PFDN4: variants seen among roughly 807,000 people sequenced by gnomAD.
The protein encoded by PFDN4 is prefoldin subunit 4, also known as prefoldin 4.
PFDN4 carries 6 observed loss-of-function variants against 17.6 expected under a neutral mutation model. That is an observed-to-expected ratio of 0.34 (90% CI 0.19 to 0.67). The LOEUF is 0.67. PFDN4 is among the 30% of genes least tolerant of loss of function. PFDN4 has a pLI of 0.68. For synonymous variants in PFDN4, 48 were observed against 51.1 expected, an observed-to-expected ratio of 0.94 and a Z score of 0.26; for missense variants, 119 against 158.4, an observed-to-expected ratio of 0.75 and a Z score of 1.33.
chr20:54,214,585 T>C, intron 2 of PFDN4, 127 bp downstream of exon 2: 1 of 533,602 alleles, frequency 1.9e-6, no homozygotes, highest in Non-Finnish European at 3.3e-6. Context: ...CGATCCACTC[T>C]AGTTAAGCAG....
At position 54,218,341 on chromosome 20, in the gene PFDN4, T is replaced by A. The variant is rs1036431794; in HGVS notation, c.274-678T>A. Reference sequence around the variant, plus strand: ...CTTTGGAATTGTATTTTCTTTTTTTTAATTATAAATTGACAATTTATAATT... The same window carrying A: ...CTTTGGAATTGTATTTTCTTTTTTTAAATTATAAATTGACAATTTATAATT... On this transcript the variant is annotated intron_variant, in intron 3 of 3. Coordinates refer to ENST00000371419, the MANE Select transcript of PFDN4 (RefSeq NM_002623.4). Among the ~76,000 whole-genome samples, 12 of 152,146 alleles carry A rather than the reference T, an allele frequency of 7.9e-5. No homozygotes were observed. The South Asian group carries it at 1.0e-3, about 13-fold the overall frequency.
chr20:54,210,728 C>T (rs1039861446), intron 1 of PFDN4, among the ~76,000 whole-genome samples: 1 of 152,176 alleles, frequency 6.6e-6, no homozygotes, highest in Non-Finnish European at 1.5e-5. Flanking sequence ...CTTTCTACTC[C>T]TAAGCTGTTT....
At chr20:54,216,718 G>A (rs150433131) in intron 3 of PFDN4, among the ~76,000 whole-genome samples, 43 of 151,980 alleles carry the variant, frequency 2.8e-4, no homozygotes, top group African/African-American at 8.0e-4. Context: ...GTGCAATGGC[G>A]CAATCTCGGC....
At chr20:54,209,654 T>A (rs1051150308) in intron 1 of PFDN4, among the ~76,000 whole-genome samples, 4 of 152,216 alleles carry the variant, frequency 2.6e-5, no homozygotes, top group African/African-American at 9.7e-5. Flanking sequence ...TCACTCCGTT[T>A]TATAGGTATG....
At position 54,216,285 on chromosome 20, in the gene PFDN4, C is replaced by G. The variant is rs376877729; in HGVS notation, c.273+845C>G. Among the ~76,000 whole-genome samples the G allele has an allele frequency of 2.8e-4, 43 of 152,290 alleles. 1 individual carries two copies. The highest frequency in any genetic ancestry group is 1.0e-3 in the African/African-American group (42 of 41,552). On this transcript the variant is annotated intron_variant, in intron 3 of 3. Coordinates refer to ENST00000371419, the MANE Select transcript of PFDN4 (RefSeq NM_002623.4). ...TGGGAGGGACAGCCACGTTGTTTGT[C>G]TATGAGAAGCAGATGGCAATTAAAC...
intron 3 of PFDN4, among the ~76,000 whole-genome samples, chr20:54,217,909 G>A (rs561099690): frequency 6.6e-6 from 1 of 152,276 alleles, no homozygotes; most frequent in African/African-American, 2.4e-5. Context: ...TGCTGGGCCC[G>A]ACCCAAAGAC....
Position 54,214,154 on chromosome 20 carries a change from A to G in PFDN4, c.25-197A>G, listed in dbSNP as rs2092759569. On this transcript the variant is annotated intron_variant, in intron 1 of 3. Transcript: ENST00000371419. ...TAGCTTAGGAATTATTTTATGGAGTATCAGAAAAGGTTATAGATTTACAAA... is the reference window on the plus strand; with the variant it reads ...TAGCTTAGGAATTATTTTATGGAGTGTCAGAAAAGGTTATAGATTTACAAA... 2.0e-5 allele frequency among the ~76,000 whole-genome samples: 3 copies of G among 152,242 alleles called. No homozygotes were observed. The South Asian group carries it at 6.2e-4, about 32-fold the overall frequency.
intron 1 of PFDN4, among the ~76,000 whole-genome samples, chr20:54,211,697 T>C (rs1173303727): frequency 1.3e-5 from 2 of 152,214 alleles, no homozygotes; most frequent in Non-Finnish European, 2.9e-5. Flanking sequence ...AGAGTTCTTC[T>C]GACTTTGAGA....
intron 1 of PFDN4, among the ~76,000 whole-genome samples, chr20:54,211,521 A>G (rs1015396064): frequency 1.1e-4 from 16 of 152,338 alleles, no homozygotes; most frequent in Non-Finnish European, 1.6e-4. Context: ...TATCAACCCT[A>G]TAAGGTAGGA....
chr20:54,216,439 T>C (rs1211770569), intron 3 of PFDN4, among the ~76,000 whole-genome samples: 1 of 152,222 alleles, frequency 6.6e-6, no homozygotes, highest in African/African-American at 2.4e-5. Context: ...CTATCACTCC[T>C]GGGTCTTTCC....
intron 1 of PFDN4, among the ~76,000 whole-genome samples, chr20:54,210,582 A>T (rs2092754460): frequency 6.6e-6 from 1 of 151,802 alleles, no homozygotes; most frequent in Non-Finnish European, 1.5e-5. Flanking sequence ...CTGCCTTCTA[A>T]GATCCAGTTC....
At chr20:54,212,812 G>A (rs534270109) in intron 1 of PFDN4, among the ~76,000 whole-genome samples, 1 of 152,374 alleles carries the variant, frequency 6.6e-6, no homozygotes, top group East Asian at 1.9e-4. Context: ...AATGACTTGT[G>A]TGCCAAGATA....
chr20:54,214,699 C>T (rs549232831), intron 2 of PFDN4, among the ~76,000 whole-genome samples: 15 of 152,190 alleles, frequency 9.9e-5, no homozygotes, highest in South Asian at 8.3e-4. Flanking sequence ...ACTTGGCTGG[C>T]GGTGGAACAG....
At chr20:54,211,561 C>T (rs1160344319) in intron 1 of PFDN4, among the ~76,000 whole-genome samples, 2 of 152,140 alleles carry the variant, frequency 1.3e-5, no homozygotes, top group African/African-American at 2.4e-5. Flanking sequence ...AGATGAGAAA[C>T]CTGAGGTGGT....
Position 54,219,214 on chromosome 20 carries a change from CCTT to C in PFDN4, c.*69_*71del. ...GAATATTGTTTAAAATGATAATTTT[CCTT>C]CTTCAAATGACATGGAAAGCAAAAC... On this transcript the variant is annotated 3_prime_UTR_variant, in exon 4 of 4. Coordinates refer to ENST00000371419, the MANE Select transcript of PFDN4 (RefSeq NM_002623.4). The C allele has an allele frequency of 2.9e-6, 3 of 1,046,256 alleles. No individual in the cohort carries two copies. Among genetic ancestry groups the C allele is most frequent in the South Asian group, 2.1e-5 (1 of 48,088 alleles). 64.8% of individuals were successfully genotyped at this position (1,046,256 alleles called of 1,614,324 possible).
intron 1 of PFDN4, 60 bp downstream of exon 1, chr20:54,208,184 C>A (rs1041430367): frequency 2.7e-6 from 4 of 1,460,048 alleles, no homozygotes; most frequent in Middle Eastern, 2.0e-4. Context: ...GCCGCTGGGG[C>A]CCGGGCGCGG....
chr20:54,213,860 CAT>C (rs2092759175), intron 1 of PFDN4, among the ~76,000 whole-genome samples: 1 of 151,654 alleles, frequency 6.6e-6, no homozygotes. Flanking sequence ...ACATTATAAA[CAT>C]AATTTTTGCT....
At chr20:54,213,304 A>T (rs2092758428) in intron 1 of PFDN4, among the ~76,000 whole-genome samples, 1 of 152,184 alleles carries the variant, frequency 6.6e-6, no homozygotes, top group African/African-American at 2.4e-5. Context: ...GTCTGGTTTT[A>T]TGTTTTAGCT....
rs909778237 is a variant in PFDN4 at position 54,208,136 on chromosome 20, G to T, written c.24+12G>T. 1 of 1,549,398 alleles carries T rather than the reference G, an allele frequency of 6.5e-7. No homozygotes were observed. On this transcript the variant is annotated intron_variant, in intron 1 of 3. Transcript: ENST00000371419. ...CCATGAAGAAGGCGGTGAGTGGGGA[G>T]CTCGGGGCTCTGGATGCTCGGGCGG...
Sources: allele counts gnomAD v4.1 joint callset (sites outside exome capture counted in the v4.1 genomes callset), GRCh38; gene constraint gnomAD v4.1.1; transcripts MANE v1.5; gene names NCBI Gene and HGNC (gene_info 2026-07-23, HGNC 2026-07-21).